Variants in ANKRD27 observed in about 807,000 individuals in gnomAD.
ANKRD27 encodes ankyrin repeat domain 27, also known as ankyrin repeat domain-containing protein 27.
Under a neutral mutation model 129.7 loss-of-function variants are expected in ANKRD27, and 112 were observed. The ratio of observed to expected loss-of-function variants is 0.86; its 90% CI spans 0.74 to 1.01. The LOEUF is 1.01. Ranked by LOEUF, ANKRD27 falls within the 50% of genes least tolerant of loss-of-function variation. The pLI is 0.00. For synonymous variants in ANKRD27, 516 were observed against 511.2 expected, an observed-to-expected ratio of 1.01 and a Z score of -0.13; for missense variants, 1,258 against 1,300.5, an observed-to-expected ratio of 0.97 and a Z score of 0.50.
chr19:32,672,005 T>C (rs1189480375), intron 1 of ANKRD27, among the ~76,000 whole-genome samples: 4 of 152,182 alleles, frequency 2.6e-5, no homozygotes, highest in African/African-American at 9.6e-5. Context: ...TCAACCGTCC[T>C]GCTAGCCCAG....
chr19:32,598,227 A>ACCGTGTGTCTCCGCAGCAT lies in ANKRD27; in HGVS notation c.3052_3070dup (p.Val1024AspfsTer29), dbSNP rs1247578999. ...GCCCTGGGACACGACCGCATCCTCT[A>ACCGTGTGTCTCCGCAGCAT]CCGTGTGTCTCCGCAGCATCCGTCT... On this transcript the variant is annotated frameshift_variant, in exon 29 of 29. Transcript: ENST00000306065. LOFTEE classifies it low-confidence loss of function (END_TRUNC). 6.2e-7 allele frequency: 1 copy of ACCGTGTGTCTCCGCAGCAT among 1,614,056 alleles called. No homozygotes were observed. Among genetic ancestry groups the ACCGTGTGTCTCCGCAGCAT allele is most frequent in the Non-Finnish European group, 8.5e-7 (1 of 1,180,014 alleles).
At chr19:32,665,603 G>T (rs933742245) in intron 1 of ANKRD27, among the ~76,000 whole-genome samples, 2 of 151,898 alleles carry the variant, frequency 1.3e-5, no homozygotes, top group African/African-American at 2.4e-5. Flanking sequence ...GGGACTACAG[G>T]CGCCCACCAC....
intron 12 of ANKRD27, among the ~76,000 whole-genome samples, chr19:32,637,037 C>T (rs1206661127): frequency 6.6e-6 from 1 of 152,120 alleles, no homozygotes; most frequent in Non-Finnish European, 1.5e-5. Context: ...CGTGAGCCAC[C>T]GTGCCCGGCC....
intron 2 of ANKRD27, among the ~76,000 whole-genome samples, chr19:32,650,267 C>T (rs1967387537): frequency 6.6e-6 from 1 of 152,170 alleles, no homozygotes; most frequent in Non-Finnish European, 1.5e-5. Context: ...AAAAAAGAAA[C>T]ATGGCCAGGC....
At chr19:32,627,745 C>T (rs185882537) in intron 15 of ANKRD27, among the ~76,000 whole-genome samples, 2 of 152,348 alleles carry the variant, frequency 1.3e-5, no homozygotes, top group African/African-American at 4.8e-5. Flanking sequence ...AAAGGCAGGG[C>T]CACAAGAACT....
At chr19:32,661,590 A>C (rs1967647269) in intron 1 of ANKRD27, among the ~76,000 whole-genome samples, 1 of 151,958 alleles carries the variant, frequency 6.6e-6, no homozygotes, top group East Asian at 1.9e-4. Context: ...CAATCCTCCC[A>C]CCTCAGCCTC....
chr19:32,641,957 T>C, intron 10 of ANKRD27, 67 bp downstream of exon 10: 1 of 1,496,714 alleles, frequency 6.7e-7, no homozygotes, highest in East Asian at 2.3e-5. Flanking sequence ...TAAGACAGCA[T>C]CACTCTTTGC....
In ANKRD27 at chr19:32,631,454, C is replaced by A. The variant is rs752291473; in HGVS notation, c.1157G>T (p.Arg386Ile). 6.2e-7 allele frequency: 1 copy of A among 1,614,068 alleles called. No individual in the cohort carries two copies. The highest frequency in any genetic ancestry group is 8.5e-7 in the Non-Finnish European group (1 of 1,180,046). ...GFGDRLFLKQ[R>I]MSLLSQMTSS... ...AGTCATCTGAGAGAGTAAGCTCATTCTCTGCTTAAGGAACAGCCTGTCTCC... is the reference window on the plus strand; with the variant it reads ...AGTCATCTGAGAGAGTAAGCTCATTATCTGCTTAAGGAACAGCCTGTCTCC... The change falls in exon 13 of 29, where the codon AGA (arginine) becomes ATA (isoleucine). Residue 386 changes from arginine (R) to isoleucine (I), a missense_variant. Transcript: ENST00000306065.
At chr19:32,618,911 CAAAAAAT>C (rs960262611) in intron 20 of ANKRD27, among the ~76,000 whole-genome samples, 1 of 152,056 alleles carries the variant, frequency 6.6e-6, no homozygotes, top group Admixed American at 6.5e-5. Context: ...ACTCTTATCT[CAAAAAAT>C]AAAAAATAAA....
chr19:32,658,848 C>G, intron 2 of ANKRD27, 66 bp downstream of exon 2: 1 of 1,301,726 alleles, frequency 7.7e-7, no homozygotes. Flanking sequence ...CCAAACTGAG[C>G]CTTAGTCTAC....
rs201551715 is a variant in ANKRD27 at position 32,643,388 on chromosome 19, G to A, written c.640-36C>T. The A allele has an allele frequency of 2.3e-5, 37 of 1,613,716 alleles. No individual in the cohort carries two copies. The East Asian group carries it at 4.0e-4, about 18-fold the overall frequency. On this transcript the variant is annotated intron_variant, in intron 7 of 28. Transcript: ENST00000306065. Reference sequence around the variant, plus strand: ...AACAGACCCCATTCAGGGTGTGAGCGGGCAACAGGGTGTGCCTCCCAGCCA... The same window carrying A: ...AACAGACCCCATTCAGGGTGTGAGCAGGCAACAGGGTGTGCCTCCCAGCCA...
chr19:32,649,443 A>C (rs1290231820), intron 3 of ANKRD27, among the ~76,000 whole-genome samples: 3 of 152,152 alleles, frequency 2.0e-5, no homozygotes, highest in Non-Finnish European at 2.9e-5. Flanking sequence ...ACGGGATCAG[A>C]GAGAGATGCT....
In ANKRD27 at chr19:32,598,367, T is replaced by C. The variant is rs1001082750; in HGVS notation, c.2931A>G (p.Gln977=). ...TEGSLHEPGR[Q]SVTLRQNNLP... is the part of the protein sequence containing the mutation. ...GGTTATTCTGTCTCAGTGTGACACT[T>C]TGCCTCCCTGGCTAAAGAAAAAGTA... The change falls in exon 29 of 29, where the codon CAA becomes CAG. Residue 977 remains glutamine, a synonymous_variant. Coordinates refer to ENST00000306065, the MANE Select transcript of ANKRD27 (RefSeq NM_032139.3). 5.0e-6 allele frequency: 8 copies of C among 1,614,070 alleles called. No homozygotes were observed. The highest frequency in any genetic ancestry group is 6.8e-6 in the Non-Finnish European group (8 of 1,180,034).
chr19:32,605,708 C>A (rs1275080462), intron 24 of ANKRD27, 127 bp downstream of exon 24: 2 of 1,319,816 alleles, frequency 1.5e-6, no homozygotes, highest in Admixed American at 2.0e-5. Flanking sequence ...CTGCTCCTCT[C>A]CCCAGAGGCC....
At chr19:32,660,921 A>G (rs923026760) in intron 1 of ANKRD27, among the ~76,000 whole-genome samples, 1 of 152,140 alleles carries the variant, frequency 6.6e-6, no homozygotes, top group South Asian at 2.1e-4. Flanking sequence ...AGTTTTAAAT[A>G]TCATCTCCCA....
At chr19:32,622,302 T>A in intron 18 of ANKRD27, 120 bp downstream of exon 18, 1 of 1,052,012 alleles carries the variant, frequency 9.5e-7, no homozygotes, top group Non-Finnish European at 1.4e-6. Flanking sequence ...GCAGAAAGGG[T>A]GCAAGCCAAG....
At chr19:32,654,179 C>T (rs141658467) in intron 2 of ANKRD27, among the ~76,000 whole-genome samples, 148 of 152,224 alleles carry the variant, frequency 9.7e-4, no homozygotes, top group East Asian at 3.3e-3. Context: ...GGATTACAGG[C>T]GTGAGCCACC....
chr19:32,632,654 C>T (rs1003619798), intron 12 of ANKRD27, among the ~76,000 whole-genome samples: 6 of 150,928 alleles, frequency 4.0e-5, no homozygotes, highest in African/African-American at 1.5e-4. Flanking sequence ...TCATTTCTCG[C>T]AAGACAGTTC....
Position 32,623,551 on chromosome 19 carries a change from G to GT in ANKRD27, c.1630-933dup, listed in dbSNP as rs575591637. 0.021 allele frequency among the ~76,000 whole-genome samples: 2,833 copies of GT among 135,638 alleles called. 149 individuals carry two copies. In the East Asian group the frequency reaches 0.21, roughly 10 times the overall value. 89.0% of individuals were successfully genotyped at this position (135,638 alleles called of 152,430 possible). On this transcript the variant is annotated intron_variant, in intron 17 of 28. Coordinates refer to ENST00000306065, the MANE Select transcript of ANKRD27 (RefSeq NM_032139.3). ...GTGGGTCCATGAAAAGAGACCTGTT[G>GT]TTTTTTTTTTTTTTTTGAGACACAG...
Sources: gnomAD v4.1 joint callset for allele counts (sites outside exome capture counted in the v4.1 genomes callset) on GRCh38, gnomAD v4.1.1 for gene constraint, MANE v1.5 for transcripts, NCBI Gene and HGNC (gene_info 2026-07-23, HGNC 2026-07-21) for gene names.